The following TIMP1 variants were observed in gnomAD, a reference collection of about 807,000 sequenced individuals.
TIMP1 encodes the protein TIMP metallopeptidase inhibitor 1.
TIMP1 carries 5 observed loss-of-function variants against 13.7 expected under a neutral mutation model. The ratio of observed to expected loss-of-function variants is 0.36; its 90% CI spans 0.19 to 0.76. The LOEUF (loss-of-function observed/expected upper bound fraction) is 0.76, where lower values mean the gene tolerates loss of function less well. TIMP1 is among the 30% of genes least tolerant of loss of function. TIMP1 has a pLI of 0.51. For synonymous variants in TIMP1, 63 were observed against 67.1 expected, an observed-to-expected ratio of 0.94 and a Z score of 0.30; for missense variants, 131 against 168.4, an observed-to-expected ratio of 0.78 and a Z score of 1.23.
chrX:47,586,684 T>C lies in TIMP1; in HGVS notation c.617T>C (p.Ile206Thr), dbSNP rs775370032. 8 of 1,208,967 alleles carry C rather than the reference T, an allele frequency of 6.6e-6. No homozygotes were observed. Among genetic ancestry groups the C allele is most frequent in the Non-Finnish European group, 8.9e-6 (8 of 895,568 alleles). The change falls in exon 6 of 6, where the codon ATA becomes ACA. Residue 206 changes from isoleucine to threonine, a missense_variant. Transcript: ENST00000218388. Reference sequence around the variant, plus strand: ...ACCTGGCAGTCCCTGCGGTCCCAGATAGCCTGAATCCTGCCCGGAGTGGAA... The same window carrying C: ...ACCTGGCAGTCCCTGCGGTCCCAGACAGCCTGAATCCTGCCCGGAGTGGAA... ...LCTWQSLRSQ[I>T]A
At chrX:47,583,721 T>C (rs1300139640) in intron 2 of TIMP1, among the ~76,000 whole-genome samples, 185 bp downstream of exon 2, 1 of 112,012 alleles carries the variant, frequency 8.9e-6, no homozygotes, top group Non-Finnish European at 1.9e-5. Flanking sequence ...AGGATCTGCA[T>C]GCTGGCTGCT....
At chrX:47,585,919 T>C (rs1318338823) in intron 5 of TIMP1, 4 of 1,113,417 alleles carry the variant, frequency 3.6e-6, no homozygotes, top group Admixed American at 2.7e-5. Flanking sequence ...TAATTCTCCC[T>C]TGTGACTATT....
chrX:47,585,186 T>G lies in TIMP1; in HGVS notation c.202-19T>G. The G allele has an allele frequency of 8.5e-7, 1 of 1,172,213 alleles. No homozygotes were observed. The highest frequency in any genetic ancestry group is 1.1e-6 in the Non-Finnish European group (1 of 874,705). ...GGATTATGTCAGTAAAAGAGACACT[T>G]CCCCTCATCCATCAACAGATGTATA... On this transcript the variant is annotated intron_variant, in intron 3 of 5. Coordinates refer to ENST00000218388, the MANE Select transcript of TIMP1 (RefSeq NM_003254.3).
rs2057821046 is a variant in TIMP1 at position 47,585,582 on chromosome X, G to A, written c.368G>A (p.Ser123Asn). Reference protein sequence around the residue: ...QDGLLHITTCSFVAPWNSLSL... With the variant: ...QDGLLHITTCNFVAPWNSLSL... ...GGACTCTTGCACATCACTACCTGCA[G>A]TTTTGTGGCTCCCTGGAACAGCCTG... Residue 123 changes from serine to asparagine, a missense_variant, in exon 5 of 6, where the codon AGT (serine) becomes AAT (asparagine). Coordinates refer to ENST00000218388, the MANE Select transcript of TIMP1 (RefSeq NM_003254.3). The A allele has an allele frequency of 8.3e-7, 1 of 1,198,184 alleles. No individual in the cohort carries two copies. Among genetic ancestry groups the A allele is most frequent in the Admixed American group, 2.2e-5 (1 of 44,997 alleles).
chrX:47,585,368 C>G (rs1569325876), intron 4 of TIMP1, 37 bp downstream of exon 4: 1 of 1,209,619 alleles, frequency 8.3e-7, no homozygotes, highest in Non-Finnish European at 1.1e-6. Context: ...CCACACCAAC[C>G]AGTCCCTGGG....
chrX:47,585,133 T>A (rs2057817657), intron 3 of TIMP1, 72 bp from the exon 4 acceptor site: 2 of 1,163,796 alleles, frequency 1.7e-6, no homozygotes, highest in Non-Finnish European at 2.3e-6. Context: ...GGATGCTATA[T>A]GACTTCAGGG....
At chrX:47,585,396 C>G in intron 4 of TIMP1, 65 bp downstream of exon 4, 1 of 1,201,041 alleles carries the variant, frequency 8.3e-7, no homozygotes, top group Non-Finnish European at 1.1e-6. Context: ...CTAGCAACCA[C>G]GAGGGGGCGA....
intron 5 of TIMP1, chrX:47,586,265 C>T (rs2057825858): frequency 1.3e-6 from 1 of 754,515 alleles, no homozygotes; most frequent in Non-Finnish European, 1.6e-6. Flanking sequence ...GACAATTCCA[C>T]AGGCGACCTG....
chrX:47,582,488 G>T lies in TIMP1; in HGVS notation c.-9+14G>T, dbSNP rs1027999788. ...GAGACACCAGAGGTAAGCAGGGCCC[G>T]GGGTGGCCCAGCAGGGACCGGAGCT... On this transcript the variant is annotated intron_variant, in intron 1 of 5. Transcript: ENST00000218388. 1.4e-5 allele frequency: 4 copies of T among 295,074 alleles called. No individual in the cohort carries two copies. The highest frequency in any genetic ancestry group is 2.7e-5 in the Non-Finnish European group (4 of 145,878). The allele number at this position is 295,074 out of a possible 1,213,427, so 24.3% of individuals were successfully genotyped here.
intron 3 of TIMP1, 40 bp from the exon 4 acceptor site, chrX:47,585,165 T>C: frequency 8.5e-7 from 1 of 1,169,715 alleles, no homozygotes; most frequent in Non-Finnish European, 1.1e-6. Context: ...GTGGGAGGAT[T>C]ATGTCAGTAA....
Position 47,586,736 on chromosome X carries a change from G to T in TIMP1, c.*45G>T. The T allele has an allele frequency of 8.6e-7, 1 of 1,169,215 alleles. No individual in the cohort carries two copies. The highest frequency in any genetic ancestry group is 1.1e-6 in the Non-Finnish European group (1 of 870,660). On this transcript the variant is annotated 3_prime_UTR_variant, in exon 6 of 6. Coordinates refer to ENST00000218388, the MANE Select transcript of TIMP1 (RefSeq NM_003254.3). The stretch of plus-strand genomic sequence containing the variant: ...CTGAAGCCTGCACAGTGTCCACCCT[G>T]TTCCCACTCCCATCTTTCTTCCGGA...
chrX:47,585,960 C>T (rs778641846), intron 5 of TIMP1: 22 of 1,068,489 alleles, frequency 2.1e-5, no homozygotes, highest in Middle Eastern at 5.2e-4. Context: ...CCTGAGCCCC[C>T]GGGATTGTTT....
intron 5 of TIMP1, chrX:47,585,875 T>TGTC (rs1447092006): frequency 1.8e-6 from 2 of 1,135,391 alleles, no homozygotes; most frequent in Non-Finnish European, 2.3e-6. Flanking sequence ...CTGTGTCCAA[T>TGTC]ACCGTGTGAT....
chrX:47,583,128 T>C (rs1479361225), intron 1 of TIMP1, among the ~76,000 whole-genome samples: 1 of 63,635 alleles, frequency 1.6e-5, no homozygotes, highest in Admixed American at 2.2e-4. Context: ...CCCTCATTCC[T>C]CAAACTTCCT....
At chrX:47,582,613 T>C (rs926620969) in intron 1 of TIMP1, 139 bp downstream of exon 1, 6 of 359,491 alleles carry the variant, frequency 1.7e-5, no homozygotes, top group Non-Finnish European at 3.3e-5. Flanking sequence ...TGGGCTAGTC[T>C]AGGGGGAAGA....
intron 5 of TIMP1, chrX:47,585,912 T>G: frequency 1.8e-6 from 2 of 1,115,517 alleles, no homozygotes; most frequent in Non-Finnish European, 2.4e-6. Flanking sequence ...GTCCCTCTAA[T>G]TCTCCCTTGT....
intron 2 of TIMP1, 118 bp downstream of exon 2, chrX:47,583,654 T>G: frequency 1.2e-6 from 1 of 855,357 alleles, no homozygotes; most frequent in East Asian, 3.5e-5. Flanking sequence ...CTTCCTCTGC[T>G]TTAGCCACAC....
intron 4 of TIMP1, 23 bp downstream of exon 4, chrX:47,585,354 T>TG (rs2147918884): frequency 3.3e-6 from 4 of 1,210,624 alleles, no homozygotes; most frequent in Non-Finnish European, 4.5e-6. Flanking sequence ...CCCCGCGCCC[T>TG]GTGCCACACC....
rs1489047462 is a variant in TIMP1 at position 47,585,681 on chromosome X, C to T, written c.453+14C>T. 8.3e-7 allele frequency: 1 copy of T among 1,208,704 alleles called. No homozygotes were observed. The highest frequency in any genetic ancestry group is 1.1e-6 in the Non-Finnish European group (1 of 894,162). Reference sequence around the variant, plus strand: ...GAGGAATGCACAGTGAGTGCCTGGACCCTGACCTCCAACGGGAGATCCTTC... The same window carrying T: ...GAGGAATGCACAGTGAGTGCCTGGATCCTGACCTCCAACGGGAGATCCTTC... On this transcript the variant is annotated intron_variant, in intron 5 of 5. Coordinates refer to ENST00000218388, the MANE Select transcript of TIMP1 (RefSeq NM_003254.3).
Sources: gnomAD v4.1 joint callset for allele counts (sites outside exome capture counted in the v4.1 genomes callset) on GRCh38, gnomAD v4.1.1 for gene constraint, MANE v1.5 for transcripts, NCBI Gene and HGNC (gene_info 2026-07-23, HGNC 2026-07-21) for gene names.